Variants in PLCB1 observed in about 807,000 individuals in gnomAD.
PLCB1 encodes 1-phosphatidylinositol 4,5-bisphosphate phosphodiesterase beta-1.
PLCB1 carries 46 observed loss-of-function variants against 161.8 expected under a neutral mutation model. The observed-to-expected ratio is 0.28, with a 90% CI of 0.22 to 0.36. The LOEUF is 0.36. PLCB1 is among the 10% of genes least tolerant of loss of function. The pLI is 1.00. For synonymous variants in PLCB1, 517 were observed against 503.7 expected (o/e 1.03, Z -0.35); for missense variants, 1,016 against 1,472.5 (o/e 0.69, Z 5.07).
intron 3 of PLCB1, among the ~76,000 whole-genome samples, chr20:8,391,526 G>T (rs1324009100): frequency 6.6e-6 from 1 of 151,848 alleles, no homozygotes; most frequent in African/African-American, 2.4e-5. Flanking sequence ...CAAGGTTAGG[G>T]GTCAGAGAGA....
chr20:8,814,871 G>A (rs1263938123), intron 31 of PLCB1, among the ~76,000 whole-genome samples: 1 of 152,118 alleles, frequency 6.6e-6, no homozygotes, highest in Admixed American at 6.5e-5. Context: ...GTAGAAAGAG[G>A]CCCAGAGAGG....
At chr20:8,665,885 G>A (rs1211645101) in intron 9 of PLCB1, among the ~76,000 whole-genome samples, 3 of 152,144 alleles carry the variant, frequency 2.0e-5, no homozygotes, top group Non-Finnish European at 4.4e-5. Context: ...CTTGACTTGT[G>A]TGAGCTTCAG....
chr20:8,151,638 T>C (rs563651433), intron 2 of PLCB1, among the ~76,000 whole-genome samples: 2 of 152,328 alleles, frequency 1.3e-5, no homozygotes, highest in African/African-American at 2.4e-5. Flanking sequence ...CCTGCTGTTA[T>C]GTGTAAAACA....
intron 9 of PLCB1, among the ~76,000 whole-genome samples, chr20:8,673,995 G>A (rs966489858): frequency 5.3e-5 from 8 of 152,038 alleles, no homozygotes; most frequent in African/African-American, 1.9e-4. Context: ...ATTATCCCCC[G>A]GAAGCAGTCC....
intron 2 of PLCB1, among the ~76,000 whole-genome samples, chr20:8,315,574 G>C (rs1359626744): frequency 1.3e-5 from 2 of 152,138 alleles, no homozygotes; most frequent in Non-Finnish European, 2.9e-5. Flanking sequence ...TTGTGTTCTT[G>C]TGTTCTTAGT....
chr20:8,324,216 GTGTGTGTGTGTGTGTGT>G (rs1342791649), intron 2 of PLCB1, among the ~76,000 whole-genome samples: 1 of 84,642 alleles, frequency 1.2e-5, no homozygotes, highest in African/African-American at 4.2e-5. Flanking sequence ...GTGTGTGTGT[GTGTGTGTGTGTGTGTGT>G]GTGTGTGAAA....
chr20:8,554,859 A>G (rs1985899035), intron 3 of PLCB1, among the ~76,000 whole-genome samples: 1 of 152,264 alleles, frequency 6.6e-6, no homozygotes, highest in Non-Finnish European at 1.5e-5. Context: ...AGCTAAATTC[A>G]AATTCAGTGT....
At chr20:8,534,834 C>A (rs1984976834) in intron 3 of PLCB1, among the ~76,000 whole-genome samples, 1 of 152,030 alleles carries the variant, frequency 6.6e-6, no homozygotes, top group Admixed American at 6.6e-5. Context: ...GGTGTAGACA[C>A]AGGCTGGGAA....
intron 3 of PLCB1, among the ~76,000 whole-genome samples, chr20:8,454,873 A>G (rs1033234913): frequency 5.9e-5 from 9 of 152,180 alleles, no homozygotes; most frequent in Admixed American, 2.0e-4. Flanking sequence ...TCTAAAATGT[A>G]TATTTCATGC....
intron 31 of PLCB1, among the ~76,000 whole-genome samples, chr20:8,859,612 A>G (rs1987188055): frequency 6.6e-6 from 1 of 152,154 alleles, no homozygotes; most frequent in Non-Finnish European, 1.5e-5. Flanking sequence ...TAATTCAAGA[A>G]AGCTGGCTAT....
Position 8,150,328 on chromosome 20 carries a change from C to A in PLCB1, c.134C>A (p.Thr45Asn). 1 of 1,563,318 alleles carries A rather than the reference C, an allele frequency of 6.4e-7. No individual in the cohort carries two copies. The highest frequency in any genetic ancestry group is 1.1e-5 in the South Asian group (1 of 87,810). ...ATTGTTACTCCAATTATTTTGAGGA[C>A]TGACCCTCAGGGATTTTTCTTTTAC... ...STIVTPIILRTDPQGFFFYWT... is the reference protein window; with the variant it reads ...STIVTPIILRNDPQGFFFYWT... The change falls in exon 2 of 32, where the codon ACT (threonine) becomes AAT (asparagine). Residue 45 changes from threonine (T) to asparagine (N), a missense_variant. Around this residue, in one of 10 missense-constraint regions of PLCB1, gnomAD observed 181 missense variants for 236.7 expected, o/e 0.76. Coordinates refer to ENST00000338037, the MANE Select transcript of PLCB1 (RefSeq NM_015192.4).
intron 27 of PLCB1, among the ~76,000 whole-genome samples, chr20:8,781,628 T>A (rs6039262): frequency 1.3e-5 from 2 of 152,170 alleles, no homozygotes; most frequent in African/African-American, 2.4e-5. Context: ...CGTTTTCACA[T>A]GGCTGATAAA....
chr20:8,548,278 T>A (rs1476008145), intron 3 of PLCB1, among the ~76,000 whole-genome samples: 1 of 142,884 alleles, frequency 7.0e-6, no homozygotes, highest in East Asian at 2.0e-4. Context: ...TCTTTCATTT[T>A]TTCTTTCTTT....
At chr20:8,737,387 T>C (rs139590165) in intron 20 of PLCB1, among the ~76,000 whole-genome samples, 195 bp downstream of exon 20, 199 of 152,336 alleles carry the variant, frequency 1.3e-3, no homozygotes, top group African/African-American at 4.5e-3. Flanking sequence ...CAGAATTGTA[T>C]TGTAAATCAA....
intron 2 of PLCB1, among the ~76,000 whole-genome samples, chr20:8,298,706 C>T (rs1192929377): frequency 6.6e-6 from 1 of 151,416 alleles, no homozygotes; most frequent in African/African-American, 2.4e-5. Context: ...TTTCTTGGCT[C>T]AGAAAAATAA....
chr20:8,362,674 C>T (rs1441720403), intron 2 of PLCB1, among the ~76,000 whole-genome samples: 1 of 152,178 alleles, frequency 6.6e-6, no homozygotes, highest in Non-Finnish European at 1.5e-5. Context: ...ACTATCTCAC[C>T]TGGCAATCTG....
intron 3 of PLCB1, among the ~76,000 whole-genome samples, chr20:8,376,623 G>A (rs1202116283): frequency 1.3e-5 from 2 of 152,106 alleles, no homozygotes; most frequent in African/African-American, 2.4e-5. Flanking sequence ...GTTTTAAACT[G>A]GGTCTTAAAA....
Position 8,883,231 on chromosome 20 carries a change from T to C in PLCB1, c.*1382T>C, listed in dbSNP as rs879903249. Reference sequence around the variant, plus strand: ...ATTAGTATCTTCCATAATTTTTAAGTCTGACACATTTCTATTTTATTCTAA... The same window carrying C: ...ATTAGTATCTTCCATAATTTTTAAGCCTGACACATTTCTATTTTATTCTAA... On this transcript the variant is annotated 3_prime_UTR_variant, in exon 32 of 32. Coordinates refer to ENST00000338037, the MANE Select transcript of PLCB1 (RefSeq NM_015192.4). 7 of 152,162 alleles carry C rather than the reference T, an allele frequency of 4.6e-5. No individual in the cohort carries two copies. Among genetic ancestry groups the C allele is most frequent in the Admixed American group, 4.6e-4 (7 of 15,270 alleles). 9.4% of individuals were successfully genotyped at this position (152,162 alleles called of 1,614,324 possible).
intron 2 of PLCB1, among the ~76,000 whole-genome samples, chr20:8,305,087 G>T (rs1409356082): frequency 6.6e-6 from 1 of 152,154 alleles, no homozygotes; most frequent in African/African-American, 2.4e-5. Flanking sequence ...AGGATGTGTT[G>T]TTGTTATTGT....
Sources: gnomAD v4.1 joint callset for allele counts (sites outside exome capture counted in the v4.1 genomes callset) on GRCh38, gnomAD v4.1.1 for gene constraint, gnomAD v4.1.1 regional missense constraint, MANE v1.5 for transcripts, NCBI Gene and HGNC (gene_info 2026-07-23, HGNC 2026-07-21) for gene names.